Variants in GSE1 observed in about 807,000 individuals in gnomAD.
GSE1 encodes genetic suppressor element 1.
In GSE1, 32 loss-of-function variants were observed where a neutral mutation model predicts 112.6. The ratio of observed to expected loss-of-function variants is 0.28; its 90% confidence interval spans 0.21 to 0.38. The LOEUF (loss-of-function observed/expected upper bound fraction) is 0.38, where lower values mean the gene tolerates loss of function less well. GSE1 is among the 10% of genes least tolerant of loss of function. The pLI is 1.00. For missense variants in GSE1, 2,348 were observed against 1,699.2 expected (o/e 1.38, Z -6.71); for synonymous variants, 1,115 against 735.6 (o/e 1.52, Z -8.35).
chr16:85,333,672 C>T (rs926201722), intron 1 of GSE1, among the ~76,000 whole-genome samples: 1 of 152,216 alleles, frequency 6.6e-6, no homozygotes, highest in Admixed American at 6.5e-5. Flanking sequence ...GAGAGCAAGT[C>T]TTTGGAGCTG....
chr16:85,350,463 C>T (rs1241031881), intron 1 of GSE1, among the ~76,000 whole-genome samples: 1 of 152,146 alleles, frequency 6.6e-6, no homozygotes, highest in Non-Finnish European at 1.5e-5. Flanking sequence ...TCATGGGGCT[C>T]CAGGCCAGCA....
chr16:85,645,972 C>A (rs2151851446), intron 2 of GSE1, among the ~76,000 whole-genome samples: 1 of 151,778 alleles, frequency 6.6e-6, no homozygotes, highest in Non-Finnish European at 1.5e-5. Flanking sequence ...ACGCATTCTA[C>A]CTGCTTCTAC....
intron 1 of GSE1, among the ~76,000 whole-genome samples, chr16:85,580,648 A>G (rs2046410208): frequency 6.6e-6 from 1 of 152,164 alleles, no homozygotes; most frequent in Admixed American, 6.5e-5. Context: ...GTGCTCCCCC[A>G]AATTCAGATG....
intron 1 of GSE1, among the ~76,000 whole-genome samples, chr16:85,235,660 G>T (rs1055383526): frequency 2.4e-4 from 37 of 151,836 alleles, no homozygotes; most frequent in African/African-American, 8.7e-4. Context: ...TCCCCCCGAG[G>T]GTGGGGTTGG....
chr16:85,649,593 T>C (rs2051164544), intron 3 of GSE1, among the ~76,000 whole-genome samples: 1 of 152,092 alleles, frequency 6.6e-6, no homozygotes, highest in Admixed American at 6.5e-5. Context: ...TGCCGCTGCC[T>C]GGGGCCTGTG....
At chr16:85,501,581 G>A (rs139277117) in intron 2 of GSE1, among the ~76,000 whole-genome samples, 43 of 151,772 alleles carry the variant, frequency 2.8e-4, no homozygotes, top group African/African-American at 9.4e-4. Context: ...TTTTTGCAGA[G>A]ACTAGGTTTC....
chr16:85,580,012 G>C (rs921997399), intron 1 of GSE1: 4 of 152,304 alleles, frequency 2.6e-5, no homozygotes, highest in Non-Finnish European at 1.5e-5. Flanking sequence ...GGGAAATAAA[G>C]TGGAATGCAT....
intron 3 of GSE1, among the ~76,000 whole-genome samples, chr16:85,653,764 C>T (rs889444627): frequency 6.6e-6 from 1 of 152,142 alleles, no homozygotes; most frequent in Non-Finnish European, 1.5e-5. Flanking sequence ...GCTTCCTTTG[C>T]CCCTGCCCTC....
intron 1 of GSE1, among the ~76,000 whole-genome samples, chr16:85,559,396 G>A (rs1449661794): frequency 6.6e-6 from 1 of 152,242 alleles, no homozygotes; most frequent in Non-Finnish European, 1.5e-5. Flanking sequence ...AGCCAGCATG[G>A]CTTGCTTCGG....
At chr16:85,601,363 G>C (rs561145931) in intron 1 of GSE1, among the ~76,000 whole-genome samples, 1 of 152,102 alleles carries the variant, frequency 6.6e-6, no homozygotes, top group Non-Finnish European at 1.5e-5. Context: ...GTCAGGGAAC[G>C]TGGGAGCAAC....
intron 2 of GSE1, among the ~76,000 whole-genome samples, chr16:85,364,346 A>G (rs2047143000): frequency 6.6e-6 from 1 of 152,150 alleles, no homozygotes. Context: ...TGGCTAATCC[A>G]GGCCCATCTC....
At chr16:85,576,927 A>G (rs2046250518) in intron 1 of GSE1, among the ~76,000 whole-genome samples, 1 of 152,176 alleles carries the variant, frequency 6.6e-6, no homozygotes. Flanking sequence ...CTGGTTTACA[A>G]GAGCAGGCAG....
intron 2 of GSE1, among the ~76,000 whole-genome samples, chr16:85,499,193 G>A (rs953984137): frequency 3.3e-5 from 5 of 152,024 alleles, no homozygotes; most frequent in African/African-American, 1.2e-4. Flanking sequence ...GCCAAGGCCT[G>A]GGCACAGTGA....
At chr16:85,640,880 G>T (rs1265304916) in intron 2 of GSE1, among the ~76,000 whole-genome samples, 3 of 152,240 alleles carry the variant, frequency 2.0e-5, no homozygotes, top group African/African-American at 7.2e-5. Context: ...TCCTCATGGT[G>T]CCTCTCCGTT....
intron 2 of GSE1, among the ~76,000 whole-genome samples, chr16:85,416,492 C>A (rs565196147): frequency 3.9e-4 from 60 of 152,242 alleles, no homozygotes; most frequent in Middle Eastern, 3.4e-3. Context: ...AGCTCCTTCC[C>A]GGAAGGAGGT....
chr16:85,343,820 C>G (rs1169198024), intron 1 of GSE1, among the ~76,000 whole-genome samples: 1 of 152,172 alleles, frequency 6.6e-6, no homozygotes, highest in Non-Finnish European at 1.5e-5. Flanking sequence ...CCAGCAGGCT[C>G]CCCTCTCACT....
chr16:85,366,490 C>T (rs1468727056), intron 2 of GSE1, among the ~76,000 whole-genome samples: 1 of 152,238 alleles, frequency 6.6e-6, no homozygotes, highest in Non-Finnish European at 1.5e-5. Context: ...GCAGAGCTTA[C>T]AAGTTGGGGC....
intron 1 of GSE1, among the ~76,000 whole-genome samples, chr16:85,174,356 T>A (rs1042131587): frequency 6.6e-6 from 1 of 152,056 alleles, no homozygotes; most frequent in Non-Finnish European, 1.5e-5. Flanking sequence ...GCAATCCAGG[T>A]GGGTGGTGAG....
intron 2 of GSE1, among the ~76,000 whole-genome samples, chr16:85,398,594 T>C (rs2048020408): frequency 6.6e-6 from 1 of 152,158 alleles, no homozygotes; most frequent in Non-Finnish European, 1.5e-5. Context: ...AATGATGATG[T>C]TCCCGCATAA....
Sources: gnomAD v4.1 joint callset for allele counts (sites outside exome capture counted in the v4.1 genomes callset) on GRCh38, gnomAD v4.1.1 for gene constraint, MANE v1.5 for transcripts, NCBI Gene and HGNC (gene_info 2026-07-23, HGNC 2026-07-21) for gene names.